The following TRPM3 variants were observed in gnomAD, a reference collection of about 807,000 sequenced individuals.
The protein encoded by TRPM3 is transient receptor potential cation channel subfamily M member 3, also known as long transient receptor potential channel 3.
Under a neutral mutation model 181.2 loss-of-function variants are expected in TRPM3, and 77 were observed. The observed-to-expected ratio is 0.42, with a 90% CI of 0.35 to 0.51. TRPM3 has a LOEUF of 0.51. Ranked by LOEUF, TRPM3 falls within the 20% of genes least tolerant of loss-of-function variation. The pLI is 0.01. For synonymous variants in TRPM3, 745 were observed against 796.4 expected (o/e 0.94, Z 1.09); for missense variants, 1,759 against 2,196.7 (o/e 0.80, Z 3.98).
intron 1 of TRPM3, among the ~76,000 whole-genome samples, chr9:70,915,934 A>C (rs553043422): frequency 4.2e-5 from 6 of 143,452 alleles, no homozygotes; most frequent in Non-Finnish European, 9.4e-5. Context: ...GACTACTCCA[A>C]GGCATTTAAT....
At chr9:70,602,124 T>TTTTTTTA (rs1172901557) in intron 20 of TRPM3, among the ~76,000 whole-genome samples, 15 of 150,560 alleles carry the variant, frequency 1.0e-4, no homozygotes, top group East Asian at 3.9e-4. Flanking sequence ...TTTTTTTTTT[T>TTTTTTTA]AAATCCAGGC....
At chr9:70,639,668 C>T (rs2057754519) in intron 10 of TRPM3, among the ~76,000 whole-genome samples, 1 of 152,190 alleles carries the variant, frequency 6.6e-6, no homozygotes, top group South Asian at 2.1e-4. Context: ...TCTGTAGAAG[C>T]AAGACCACAA....
chr9:71,316,216 A>C (rs2088576217), intron 1 of TRPM3, among the ~76,000 whole-genome samples: 1 of 152,280 alleles, frequency 6.6e-6, no homozygotes, highest in East Asian at 1.9e-4. Flanking sequence ...CCCAACGTCT[A>C]CTTTTCTGTT....
intron 12 of TRPM3, among the ~76,000 whole-genome samples, chr9:70,627,334 G>A (rs550022921): frequency 6.2e-5 from 9 of 145,842 alleles, no homozygotes; most frequent in East Asian, 4.1e-4. Context: ...GTGCAATGGC[G>A]TGATTTGGGC....
intron 6 of TRPM3, among the ~76,000 whole-genome samples, chr9:70,793,158 AG>A (rs2085946906): frequency 6.6e-6 from 1 of 152,194 alleles, no homozygotes; most frequent in Non-Finnish European, 1.5e-5. Flanking sequence ...CTCCTTATAA[AG>A]AATACCCATT....
chr9:71,022,800 C>T (rs369040958), intron 1 of TRPM3, among the ~76,000 whole-genome samples: 3 of 151,948 alleles, frequency 2.0e-5, no homozygotes, highest in East Asian at 1.9e-4. Context: ...CATACCTGTA[C>T]GTTCTGCACA....
chr9:71,282,089 G>GAA (rs1295330858), intron 1 of TRPM3, among the ~76,000 whole-genome samples: 2,801 of 42,814 alleles, frequency 0.065, 287 homozygotes, highest in Non-Finnish European at 0.077. Flanking sequence ...AGGAAAGAAA[G>GAA]AGAGAAAGAA....
chr9:71,021,854 A>T (rs2097850185), intron 1 of TRPM3, among the ~76,000 whole-genome samples: 1 of 152,188 alleles, frequency 6.6e-6, no homozygotes, highest in South Asian at 2.1e-4. Flanking sequence ...GTAAGACCTT[A>T]TATATCACAG....
chr9:70,750,577 C>G (rs2075963426), intron 8 of TRPM3, among the ~76,000 whole-genome samples: 2 of 152,020 alleles, frequency 1.3e-5, no homozygotes, highest in Admixed American at 6.6e-5. Flanking sequence ...AACTGAGGCT[C>G]AGAATGAGGA....
intron 1 of TRPM3, among the ~76,000 whole-genome samples, chr9:71,004,446 G>A (rs2097651507): frequency 6.6e-6 from 1 of 152,216 alleles, no homozygotes; most frequent in Non-Finnish European, 1.5e-5. Context: ...ACCGCAGAAT[G>A]GCGGTTAAGC....
intron 7 of TRPM3, among the ~76,000 whole-genome samples, chr9:70,765,682 G>T (rs1241974233): frequency 6.6e-6 from 1 of 151,994 alleles, no homozygotes; most frequent in African/African-American, 2.4e-5. Context: ...CTTCTGTTTG[G>T]GTACAAAGGC....
chr9:71,434,986 AAAT>A (rs1160517213), intron 1 of TRPM3, among the ~76,000 whole-genome samples: 3 of 152,190 alleles, frequency 2.0e-5, no homozygotes, highest in Admixed American at 2.0e-4. Context: ...GAGAAGAAAA[AAAT>A]AATAAAATAT....
intron 1 of TRPM3, among the ~76,000 whole-genome samples, chr9:71,246,018 T>G (rs1225188321): frequency 1.3e-5 from 2 of 152,172 alleles, no homozygotes; most frequent in Admixed American, 6.5e-5. Flanking sequence ...AAAGGAGGGA[T>G]TGGAGTATGA....
intron 1 of TRPM3, among the ~76,000 whole-genome samples, chr9:71,371,147 G>A (rs543945684): frequency 6.6e-5 from 10 of 152,172 alleles, no homozygotes; most frequent in African/African-American, 1.4e-4. Flanking sequence ...AGATGTACAC[G>A]GAGTTGAATG....
At chr9:70,823,034 G>A (rs1407180488) in intron 6 of TRPM3, among the ~76,000 whole-genome samples, 6 of 152,064 alleles carry the variant, frequency 3.9e-5, no homozygotes, top group Admixed American at 3.9e-4. Flanking sequence ...ACCATCTGCC[G>A]TGGCCTGCTC....
intron 1 of TRPM3, among the ~76,000 whole-genome samples, chr9:71,344,035 T>TAGATG (rs2132623426): frequency 6.6e-6 from 1 of 151,984 alleles, no homozygotes; most frequent in South Asian, 2.1e-4. Context: ...TAGATTAGAT[T>TAGATG]AGATTAGATT....
At chr9:70,933,433 C>A (rs994687010) in intron 1 of TRPM3, among the ~76,000 whole-genome samples, 1 of 152,014 alleles carries the variant, frequency 6.6e-6, no homozygotes, top group African/African-American at 2.4e-5. Flanking sequence ...GGAAGAAAAC[C>A]AGATAAGTGT....
intron 1 of TRPM3, among the ~76,000 whole-genome samples, chr9:71,248,515 G>T (rs2082165450): frequency 6.6e-6 from 1 of 152,166 alleles, no homozygotes; most frequent in Non-Finnish European, 1.5e-5. Flanking sequence ...AACCAACTTG[G>T]AACCATCATA....
intron 1 of TRPM3, among the ~76,000 whole-genome samples, chr9:71,283,101 T>C (rs2132217053): frequency 6.6e-6 from 1 of 152,102 alleles, no homozygotes; most frequent in East Asian, 1.9e-4. Flanking sequence ...TTAGTCTGTA[T>C]TAAACGATTC....
Sources: allele counts gnomAD v4.1 joint callset (sites outside exome capture counted in the v4.1 genomes callset), GRCh38; gene constraint gnomAD v4.1.1; transcripts MANE v1.5; gene names NCBI Gene and HGNC (gene_info 2026-07-23, HGNC 2026-07-21).